Variants in DOCK8 observed in about 807,000 individuals in gnomAD.
DOCK8 encodes the protein dedicator of cytokinesis 8.
DOCK8 carries 141 observed loss-of-function variants against 245.6 expected under a neutral mutation model. That is an observed-to-expected ratio of 0.57 (90% CI 0.50 to 0.66). The LOEUF is 0.66. DOCK8 is among the 30% of genes least tolerant of loss of function. The probability of loss-of-function intolerance (pLI) is 0.00; values close to 1 mark genes in which losing one functional copy is unlikely to be tolerated. For synonymous variants in DOCK8, 1,168 were observed against 970.2 expected (o/e 1.20, Z -3.79); for missense variants, 2,965 against 2,603.4 (o/e 1.14, Z -3.02).
At chr9:440,086 A>T (rs930754437) in intron 40 of DOCK8, among the ~76,000 whole-genome samples, 2 of 152,038 alleles carry the variant, frequency 1.3e-5, no homozygotes, top group African/African-American at 4.8e-5. Flanking sequence ...TGGTGCAATC[A>T]TGGCTCACTG....
chr9:334,527 A>G, intron 11 of DOCK8, 143 bp downstream of exon 11: 3 of 859,520 alleles, frequency 3.5e-6, no homozygotes, highest in Non-Finnish European at 5.4e-6. Context: ...AAACACTGTT[A>G]TGACTGGATT....
chr9:305,973 G>A (rs962411521), intron 5 of DOCK8, among the ~76,000 whole-genome samples: 11 of 152,030 alleles, frequency 7.2e-5, no homozygotes, highest in Admixed American at 2.0e-4. Flanking sequence ...GTAGAGTTTC[G>A]GCATCCCAAG....
chr9:272,785 T>C (rs1306372487), intron 2 of DOCK8: 1 of 152,298 alleles, frequency 6.6e-6, no homozygotes, highest in Non-Finnish European at 1.5e-5. Flanking sequence ...GTTATATTAT[T>C]TGAGCACTAA....
At chr9:239,404 G>A (rs2047332098) in intron 1 of DOCK8, among the ~76,000 whole-genome samples, 1 of 152,170 alleles carries the variant, frequency 6.6e-6, no homozygotes, top group African/African-American at 2.4e-5. Context: ...AGAGTTATAA[G>A]AGACTACAAA....
At chr9:391,883 A>T (rs1315994232) in intron 24 of DOCK8, among the ~76,000 whole-genome samples, 1 of 142,946 alleles carries the variant, frequency 7.0e-6, no homozygotes, top group Non-Finnish European at 1.5e-5. Context: ...TCACACTTGT[A>T]ATCCTAGCAC....
intron 28 of DOCK8, among the ~76,000 whole-genome samples, chr9:412,838 A>G (rs888998222): frequency 6.6e-6 from 1 of 151,728 alleles, no homozygotes; most frequent in African/African-American, 2.4e-5. Context: ...AAATTGATCC[A>G]TAGATTAAAT....
intron 14 of DOCK8, among the ~76,000 whole-genome samples, chr9:351,999 C>G (rs753356611): frequency 6.6e-6 from 1 of 152,186 alleles, no homozygotes; most frequent in Non-Finnish European, 1.5e-5. Flanking sequence ...GATTCATATG[C>G]ATGTTTGGTG....
intron 1 of DOCK8, among the ~76,000 whole-genome samples, chr9:217,509 A>T (rs564242441): frequency 2.0e-5 from 3 of 152,246 alleles, no homozygotes; most frequent in Non-Finnish European, 2.9e-5. Flanking sequence ...TTAATAAAGT[A>T]TAAAAGGTTC....
At chr9:215,676 C>G (rs1036708708) in intron 1 of DOCK8, 4 of 368,978 alleles carry the variant, frequency 1.1e-5, no homozygotes, top group African/African-American at 8.4e-5. Context: ...TTGAGATTTA[C>G]AGAACTCCAG....
chr9:463,216 C>A (rs1019522755), intron 46 of DOCK8, among the ~76,000 whole-genome samples: 1 of 151,846 alleles, frequency 6.6e-6, no homozygotes, highest in Non-Finnish European at 1.5e-5. Context: ...TGTGATCATG[C>A]CACTGCACTC....
At position 389,504 on chromosome 9, in the gene DOCK8, A is replaced by G. The variant is rs1288189958; in HGVS notation, c.2875-967A>G. ...CACCGATCCTGCTTCCCACAATGCC[A>G]TATGGGCATTATAAAAACAAAAATT... On this transcript the variant is annotated intron_variant, in intron 23 of 47. Coordinates refer to ENST00000432829, the MANE Select transcript of DOCK8 (RefSeq NM_203447.4). Among the ~76,000 whole-genome samples the G allele has an allele frequency of 4.6e-5, 7 of 152,314 alleles. No individual in the cohort carries two copies. The East Asian group carries it at 1.4e-3, about 29-fold the overall frequency.
intron 14 of DOCK8, 184 bp downstream of exon 14, chr9:340,505 C>T (rs1365807617): frequency 2.8e-6 from 2 of 706,284 alleles, no homozygotes; most frequent in Non-Finnish European, 4.6e-6. Context: ...CTTGTAATCC[C>T]AGCAACTTGG....
At chr9:438,944 G>C (rs2056994447) in intron 39 of DOCK8, among the ~76,000 whole-genome samples, 1 of 152,202 alleles carries the variant, frequency 6.6e-6, no homozygotes, top group Non-Finnish European at 1.5e-5. Context: ...CCAGCCCTAT[G>C]TCCCTTAGGG....
At chr9:211,942 T>C (rs1411072490), upstream of DOCK8, among the ~76,000 whole-genome samples, 1 of 152,006 alleles carries the variant, frequency 6.6e-6, no homozygotes, top group East Asian at 1.9e-4. Context: ...TCCAGTTAAG[T>C]AGGGTAGATG....
At chr9:312,350 C>A (rs1389667758) in intron 6 of DOCK8, 184 bp downstream of exon 6, 2 of 729,386 alleles carry the variant, frequency 2.7e-6, no homozygotes, top group Middle Eastern at 2.3e-4. Context: ...TATTGATTAT[C>A]ACACAGATGG....
chr9:386,904 TG>T (rs2071530554), intron 23 of DOCK8, among the ~76,000 whole-genome samples: 1 of 152,250 alleles, frequency 6.6e-6, no homozygotes, highest in African/African-American at 2.4e-5. Flanking sequence ...TAAACTAATA[TG>T]AAATGCTTCC....
intron 36 of DOCK8, among the ~76,000 whole-genome samples, chr9:430,941 C>T (rs2056687289): frequency 6.6e-6 from 1 of 152,100 alleles, no homozygotes; most frequent in Admixed American, 6.5e-5. Flanking sequence ...ACTATCAGAG[C>T]TCACTGCAGC....
chr9:311,057 C>T (rs146714273), intron 5 of DOCK8, among the ~76,000 whole-genome samples: 76 of 152,050 alleles, frequency 5.0e-4, no homozygotes, highest in African/African-American at 1.6e-3. Context: ...AGGTTGATGG[C>T]GGCGGATCAC....
intron 7 of DOCK8, among the ~76,000 whole-genome samples, chr9:318,655 C>T (rs1395913669): frequency 6.6e-6 from 1 of 152,192 alleles, no homozygotes; most frequent in Non-Finnish European, 1.5e-5. Context: ...CATAAACCAG[C>T]TGAGTGTCAA....
Sources: allele counts gnomAD v4.1 joint callset (sites outside exome capture counted in the v4.1 genomes callset), GRCh38; gene constraint gnomAD v4.1.1; transcripts MANE v1.5; gene names NCBI Gene and HGNC (gene_info 2026-07-23, HGNC 2026-07-21).